NKAIN2: variants seen among roughly 807,000 people sequenced by gnomAD.
NKAIN2 encodes the protein sodium/potassium-transporting ATPase subunit beta-1-interacting protein 2.
NKAIN2 carries 14 observed loss-of-function variants against 32.6 expected under a neutral mutation model. The ratio of observed to expected loss-of-function variants is 0.43; its 90% CI spans 0.28 to 0.67. The LOEUF (loss-of-function observed/expected upper bound fraction) is 0.67. NKAIN2 is among the 30% of genes least tolerant of loss of function. The pLI is 0.17. For synonymous variants in NKAIN2, 80 were observed against 87.2 expected, an observed-to-expected ratio of 0.92 and a Z score of 0.46; for missense variants, 198 against 258.3, an observed-to-expected ratio of 0.77 and a Z score of 1.60.
chr6:124,806,049 A>G (rs1420840053), intron 5 of NKAIN2, among the ~76,000 whole-genome samples: 1 of 151,650 alleles, frequency 6.6e-6, no homozygotes, highest in African/African-American at 2.4e-5. Flanking sequence ...AACGGAACCA[A>G]GTTGGAAAAC....
intron 1 of NKAIN2, among the ~76,000 whole-genome samples, chr6:123,976,709 A>G (rs1483120630): frequency 1.3e-5 from 2 of 152,030 alleles, no homozygotes; most frequent in Non-Finnish European, 2.9e-5. Context: ...CATGCATCAT[A>G]TATTTACAAA....
At chr6:124,246,265 G>T (rs1212922541) in intron 1 of NKAIN2, among the ~76,000 whole-genome samples, 1 of 152,044 alleles carries the variant, frequency 6.6e-6, no homozygotes, top group Admixed American at 6.6e-5. Context: ...GCACATGTCT[G>T]ATCAACCTCA....
At chr6:124,084,053 G>T (rs888147727) in intron 1 of NKAIN2, among the ~76,000 whole-genome samples, 1 of 151,966 alleles carries the variant, frequency 6.6e-6, no homozygotes, top group Non-Finnish European at 1.5e-5. Context: ...GTTATATCTA[G>T]GGTGAAGGGG....
At chr6:124,218,663 T>A (rs1278857183) in intron 1 of NKAIN2, among the ~76,000 whole-genome samples, 1 of 152,224 alleles carries the variant, frequency 6.6e-6, no homozygotes. Context: ...CTCATTGTTT[T>A]TTAGAGAGTT....
chr6:124,098,666 T>A (rs1360021968), intron 1 of NKAIN2, among the ~76,000 whole-genome samples: 1 of 151,984 alleles, frequency 6.6e-6, no homozygotes, highest in East Asian at 1.9e-4. Flanking sequence ...GTCAGGAATT[T>A]GAGACCAGCC....
chr6:124,228,506 G>A (rs1385158760), intron 1 of NKAIN2, among the ~76,000 whole-genome samples: 1 of 152,010 alleles, frequency 6.6e-6, no homozygotes, highest in East Asian at 1.9e-4. Flanking sequence ...TCTCTCCAAA[G>A]CCCCATCTTC....
At chr6:124,206,099 A>G (rs1468069828) in intron 1 of NKAIN2, among the ~76,000 whole-genome samples, 1 of 151,928 alleles carries the variant, frequency 6.6e-6, no homozygotes, top group African/African-American at 2.4e-5. Context: ...AATCAACAAG[A>G]CATTCCCAAG....
intron 1 of NKAIN2, among the ~76,000 whole-genome samples, chr6:124,205,733 T>C (rs527947139): frequency 1.3e-5 from 2 of 151,904 alleles, no homozygotes; most frequent in East Asian, 1.9e-4. Flanking sequence ...CATAAGAAAG[T>C]AAAGAAGGAA....
chr6:123,853,041 A>G (rs1003541306), intron 1 of NKAIN2, among the ~76,000 whole-genome samples: 1 of 152,230 alleles, frequency 6.6e-6, no homozygotes, highest in Non-Finnish European at 1.5e-5. Flanking sequence ...ATCATCATTG[A>G]TGTTTCCTAA....
intron 1 of NKAIN2, among the ~76,000 whole-genome samples, chr6:124,007,793 T>A (rs1208711552): frequency 6.6e-6 from 1 of 152,184 alleles, no homozygotes; most frequent in Non-Finnish European, 1.5e-5. Flanking sequence ...GGTGCACATT[T>A]TAATAATGAT....
chr6:124,697,713 A>G (rs1172646558), intron 4 of NKAIN2, among the ~76,000 whole-genome samples: 1 of 152,186 alleles, frequency 6.6e-6, no homozygotes, highest in Non-Finnish European at 1.5e-5. Context: ...GCTACATTTT[A>G]TTATTCCTAT....
chr6:123,947,887 C>T (rs1298386392), intron 1 of NKAIN2, among the ~76,000 whole-genome samples: 3 of 152,018 alleles, frequency 2.0e-5, no homozygotes, highest in Non-Finnish European at 4.4e-5. Context: ...TACCCATTAA[C>T]CAAATTCTCT....
chr6:124,582,935 A>C (rs9491197), intron 3 of NKAIN2, among the ~76,000 whole-genome samples: 30,273 of 151,996 alleles, frequency 0.2, 3,141 homozygotes, highest in South Asian at 0.27. Context: ...CTATTATAAA[A>C]ACCCTAAAAA....
chr6:123,951,320 T>C (rs1194890720), intron 1 of NKAIN2, among the ~76,000 whole-genome samples: 1 of 152,040 alleles, frequency 6.6e-6, no homozygotes, highest in Non-Finnish European at 1.5e-5. Context: ...TTGTTAATTT[T>C]CCATGTAAAT....
intron 2 of NKAIN2, among the ~76,000 whole-genome samples, chr6:124,291,473 T>A (rs771650258): frequency 1.3e-5 from 2 of 152,104 alleles, no homozygotes; most frequent in Non-Finnish European, 2.9e-5. Context: ...TCCTTCATCC[T>A]CTGTCTCTAG....
intron 3 of NKAIN2, among the ~76,000 whole-genome samples, chr6:124,389,949 C>T (rs912269852): frequency 6.6e-6 from 1 of 151,954 alleles, no homozygotes; most frequent in Non-Finnish European, 1.5e-5. Context: ...AATGGATATT[C>T]CTGGGCCATT....
Position 124,417,237 on chromosome 6 carries a change from CAG to C in NKAIN2, c.273+61892_273+61893del, listed in dbSNP as rs1189150808. ...GGACACATCTGAAACAAATAGAAAACAGAAAGTTTCAACAAAATCTGAAAGTC... is the reference window on the plus strand; with the variant it reads ...GGACACATCTGAAACAAATAGAAAACAAAGTTTCAACAAAATCTGAAAGTC... On this transcript the variant is annotated intron_variant, in intron 3 of 6. Transcript: ENST00000368417. Among the ~76,000 whole-genome samples the C allele has an allele frequency of 2.6e-5, 4 of 151,946 alleles. 1 individual carries two copies. The highest frequency in any genetic ancestry group is 4.1e-4 in the South Asian group (2 of 4,822).
At chr6:123,928,968 A>G (rs1776132131) in intron 1 of NKAIN2, among the ~76,000 whole-genome samples, 1 of 152,160 alleles carries the variant, frequency 6.6e-6, no homozygotes, top group Non-Finnish European at 1.5e-5. Flanking sequence ...TTGGATAAAT[A>G]TGTCCTCCAC....
rs545035455 is a variant in NKAIN2, at chr6:124,218,809, C to G, written c.55-64196C>G. Among the ~76,000 whole-genome samples the G allele has an allele frequency of 3.3e-5, 5 of 152,184 alleles. No individual in the cohort carries two copies. The South Asian group carries it at 8.3e-4, about 25-fold the overall frequency. On this transcript the variant is annotated intron_variant, in intron 1 of 6. Transcript: ENST00000368417. The stretch of plus-strand genomic sequence containing the variant: ...GACCAAGTGTAACTCCTGGTGACAG[C>G]TATAAATTGAGTATTGTATTAGTTC...
Sources: allele counts gnomAD v4.1 joint callset (sites outside exome capture counted in the v4.1 genomes callset), GRCh38; gene constraint gnomAD v4.1.1; transcripts MANE v1.5; gene names NCBI Gene and HGNC (gene_info 2026-07-23, HGNC 2026-07-21).